The following THNSL1 variants were observed in gnomAD, a reference collection of about 807,000 sequenced individuals.
The protein encoded by THNSL1 is threonine synthase-like 1.
A neutral mutation model predicts 50.4 loss-of-function variants in THNSL1; 48 were observed. The observed-to-expected ratio is 0.95, with a 90% CI of 0.76 to 1.21. The LOEUF is 1.21. Ranked by LOEUF, THNSL1 falls within the 50% of genes most tolerant of loss-of-function variation. THNSL1 has a pLI of 0.00. For missense variants in THNSL1, 896 were observed against 871.7 expected, an observed-to-expected ratio of 1.03 and a Z score of -0.35; for synonymous variants, 309 against 306.1, an observed-to-expected ratio of 1.01 and a Z score of -0.10.
At chr10:24,973,793 G>C in the THNSL1 span, among the ~76,000 whole-genome samples, 516 of 151,730 alleles carry the variant, frequency 3.4e-3, 1 homozygote, top group African/African-American at 0.011. Context: ...TCCCTCTTTC[G>C]CCCAGGCTGG....
the THNSL1 span, among the ~76,000 whole-genome samples, chr10:25,000,907 C>T: frequency 1.3e-5 from 2 of 152,002 alleles, no homozygotes; most frequent in South Asian, 4.1e-4. Context: ...TTACAGTATA[C>T]AGGTTTAACT....
At chr10:24,984,382 G>GAAAAAAAAAAA in the THNSL1 span, 1 of 1,397,962 alleles carries the variant, frequency 7.2e-7, no homozygotes, top group Non-Finnish European at 9.3e-7. Context: ...ATGCGCTGCA[G>GAAAAAAAAAAA]AAAAAAAAAA....
At position 25,025,452 on chromosome 10, in the gene THNSL1, A is replaced by C. The variant is rs1850831554; in HGVS notation, c.2229A>C (p.Ile743=). Residue 743 remains isoleucine, a synonymous_variant, in exon 3 of 3, where the codon ATA becomes ATC. Coordinates refer to ENST00000376356, the MANE Select transcript of THNSL1 (RefSeq NM_024838.5). ...AACAACTTGTCCAAAATCAATTCAT[A>C]TGAAAGCTTTCAGAGTAAATTTTTT... is the stretch of plus-strand genomic sequence containing the variant. ...HVEQLVQNQF[I] is the part of the protein sequence containing the mutation. 1 of 1,594,262 alleles carries C rather than the reference A, an allele frequency of 6.3e-7. No homozygotes were observed. Among genetic ancestry groups the C allele is most frequent in the African/African-American group, 1.4e-5 (1 of 73,746 alleles).
chr10:24,965,011 T>C, the THNSL1 span, among the ~76,000 whole-genome samples: 1 of 151,140 alleles, frequency 6.6e-6, no homozygotes, highest in South Asian at 2.1e-4. Context: ...CAGTGAGCCA[T>C]GATTGTGTCA....
the THNSL1 span, among the ~76,000 whole-genome samples, chr10:24,963,616 T>G: frequency 6.6e-6 from 1 of 152,240 alleles, no homozygotes; most frequent in African/African-American, 2.4e-5. Flanking sequence ...CTAAAAGTTT[T>G]TTCCAAATCT....
chr10:25,004,230 A>G, the THNSL1 span, among the ~76,000 whole-genome samples: 1 of 152,180 alleles, frequency 6.6e-6, no homozygotes, highest in Admixed American at 6.5e-5. Context: ...TAGTGCTGCA[A>G]TGAACCTAGG....
the THNSL1 span, among the ~76,000 whole-genome samples, chr10:24,994,827 C>G: frequency 1.3e-5 from 2 of 151,830 alleles, no homozygotes; most frequent in Admixed American, 1.3e-4. Context: ...TCAAGACCAG[C>G]CTGGCCAACA....
chr10:24,979,585 C>T, the THNSL1 span, among the ~76,000 whole-genome samples: 1 of 152,146 alleles, frequency 6.6e-6, no homozygotes, highest in African/African-American at 2.4e-5. Context: ...TCTCTCCCAC[C>T]TTACCTCTAA....
chr10:24,999,856 C>T, the THNSL1 span, among the ~76,000 whole-genome samples: 1 of 152,134 alleles, frequency 6.6e-6, no homozygotes, highest in Admixed American at 6.6e-5. Context: ...TGTTCTCTGT[C>T]TTTCTCTGCT....
In THNSL1 at chr10:25,024,374, G is replaced by A; in HGVS notation, c.1151G>A (p.Ser384Asn). The part of the protein sequence containing the change: ...ILVATSGDTG[S>N]AVLNGFSRLN... ...GTAGCTACTTCAGGAGACACAGGGAGTGCAGTCTTAAATGGTTTTAGTCGT... is the reference window on the plus strand; with the variant it reads ...GTAGCTACTTCAGGAGACACAGGGAATGCAGTCTTAAATGGTTTTAGTCGT... The change falls in exon 3 of 3, where the codon AGT (serine) becomes AAT (asparagine). Residue 384 changes from serine to asparagine, a missense_variant. Coordinates refer to ENST00000376356, the MANE Select transcript of THNSL1 (RefSeq NM_024838.5). 6.2e-7 allele frequency: 1 copy of A among 1,613,988 alleles called. No homozygotes were observed. The highest frequency in any genetic ancestry group is 2.2e-5 in the East Asian group (1 of 44,888).
the THNSL1 span, among the ~76,000 whole-genome samples, chr10:24,980,149 C>T: frequency 6.6e-6 from 1 of 152,174 alleles, no homozygotes; most frequent in Non-Finnish European, 1.5e-5. Flanking sequence ...ATACTGATTG[C>T]CTCGTGCCAC....
At chr10:24,997,320 G>GTCCTCCAGAACTC in the THNSL1 span, among the ~76,000 whole-genome samples, 1 of 151,240 alleles carries the variant, frequency 6.6e-6, no homozygotes, top group African/African-American at 2.4e-5. Flanking sequence ...CTCCAGAACT[G>GTCCTCCAGAACTC]TCCTCCAGAA....
the THNSL1 span, among the ~76,000 whole-genome samples, chr10:24,999,003 T>C: frequency 2.6e-5 from 4 of 152,318 alleles, no homozygotes; most frequent in African/African-American, 4.8e-5. Flanking sequence ...CAACTGGTAG[T>C]AATGGTTGTA....
the THNSL1 span, among the ~76,000 whole-genome samples, chr10:24,972,522 A>AAAATAATAAT: frequency 0.013 from 1,979 of 150,132 alleles, 50 homozygotes; most frequent in African/African-American, 0.047. Flanking sequence ...AAAAAAAAAT[A>AAAATAATAAT]AATAATAATA....
chr10:24,992,397 A>C, the THNSL1 span, among the ~76,000 whole-genome samples: 1 of 152,338 alleles, frequency 6.6e-6, no homozygotes. Flanking sequence ...TATGGTAGTC[A>C]TTAAAATTCT....
At chr10:24,955,928 C>T in the THNSL1 span, among the ~76,000 whole-genome samples, 1 of 151,916 alleles carries the variant, frequency 6.6e-6, no homozygotes, top group Non-Finnish European at 1.5e-5. Context: ...GCCTGGGTGA[C>T]AGAGCAAGAC....
the THNSL1 span, among the ~76,000 whole-genome samples, chr10:24,975,647 C>CT: frequency 1.8e-4 from 27 of 152,158 alleles, no homozygotes; most frequent in Non-Finnish European, 3.5e-4. Context: ...CCTACACACG[C>CT]TCTCTCACCT....
At chr10:24,966,588 A>G in the THNSL1 span, among the ~76,000 whole-genome samples, 6 of 152,230 alleles carry the variant, frequency 3.9e-5, no homozygotes, top group African/African-American at 1.4e-4. Context: ...CCACATGTGT[A>G]AGGATTAAAA....
At chr10:25,005,130 G>C in the THNSL1 span, among the ~76,000 whole-genome samples, 3 of 152,042 alleles carry the variant, frequency 2.0e-5, no homozygotes, top group Non-Finnish European at 4.4e-5. Context: ...GTCTGTTCTT[G>C]TACCAGTACC....
Sources: allele counts gnomAD v4.1 joint callset (sites outside exome capture counted in the v4.1 genomes callset), GRCh38; gene constraint gnomAD v4.1.1; transcripts MANE v1.5; gene names NCBI Gene and HGNC (gene_info 2026-07-23, HGNC 2026-07-21).